NRXN3: variants seen among roughly 807,000 people sequenced by gnomAD.
NRXN3 encodes the protein neurexin III.
In NRXN3, 32 loss-of-function variants were observed where a neutral mutation model predicts 137.6. The ratio of observed to expected loss-of-function variants is 0.23; its 90% confidence interval spans 0.18 to 0.31. The LOEUF (loss-of-function observed/expected upper bound fraction) is 0.31. NRXN3 is among the 10% of genes least tolerant of loss of function. The pLI is 1.00. For missense variants in NRXN3, 1,574 were observed against 2,062.5 expected, an observed-to-expected ratio of 0.76 and a Z score of 4.59; for synonymous variants, 798 against 784.5, an observed-to-expected ratio of 1.02 and a Z score of -0.29.
intron 15 of NRXN3, among the ~76,000 whole-genome samples, chr14:79,398,066 G>A (rs1180080277): frequency 6.6e-6 from 1 of 152,120 alleles, no homozygotes; most frequent in Non-Finnish European, 1.5e-5. Flanking sequence ...GCTTCCATCA[G>A]GGTTCACAGC....
chr14:78,586,665 C>T (rs2097066254), intron 4 of NRXN3, among the ~76,000 whole-genome samples: 1 of 152,230 alleles, frequency 6.6e-6, no homozygotes, highest in South Asian at 2.1e-4. Flanking sequence ...TGCTCAGGGA[C>T]CTGAGGAAGA....
chr14:79,226,744 T>A (rs1392747594), intron 15 of NRXN3, among the ~76,000 whole-genome samples: 1 of 152,012 alleles, frequency 6.6e-6, no homozygotes, highest in African/African-American at 2.4e-5. Context: ...GGACACATAC[T>A]CATTTTTAGT....
intron 4 of NRXN3, among the ~76,000 whole-genome samples, chr14:78,308,226 T>C (rs1367726823): frequency 6.6e-6 from 1 of 152,098 alleles, no homozygotes; most frequent in African/African-American, 2.4e-5. Context: ...GATCTGAAAT[T>C]TGGAGCCTAT....
chr14:79,055,812 T>C (rs948443000), intron 15 of NRXN3, among the ~76,000 whole-genome samples: 3 of 152,046 alleles, frequency 2.0e-5, no homozygotes, highest in African/African-American at 7.2e-5. Flanking sequence ...AACATGCACA[T>C]GCACTTGGAG....
intron 15 of NRXN3, among the ~76,000 whole-genome samples, chr14:79,271,925 A>G (rs2079389600): frequency 6.6e-6 from 1 of 152,216 alleles, no homozygotes; most frequent in African/African-American, 2.4e-5. Context: ...GAGATGATTC[A>G]TAGTTGTACA....
chr14:78,171,959 G>C (rs759847179), intron 1 of NRXN3, among the ~76,000 whole-genome samples: 22 of 152,178 alleles, frequency 1.4e-4, no homozygotes, highest in African/African-American at 4.8e-4. Flanking sequence ...GCAAGATAGA[G>C]TCAGGGCAAA....
chr14:79,443,034 A>G (rs1448402095), intron 15 of NRXN3, among the ~76,000 whole-genome samples: 4 of 152,358 alleles, frequency 2.6e-5, no homozygotes, highest in South Asian at 4.1e-4. Flanking sequence ...TTCCACTTCA[A>G]AGGGTACACA....
At chr14:79,723,938 A>C (rs1207198758) in intron 19 of NRXN3, among the ~76,000 whole-genome samples, 3 of 152,062 alleles carry the variant, frequency 2.0e-5, no homozygotes. Flanking sequence ...CTTTCATCTC[A>C]ACTGCCTTTT....
chr14:79,789,891 A>G (rs2099139903), intron 19 of NRXN3, among the ~76,000 whole-genome samples: 1 of 152,066 alleles, frequency 6.6e-6, no homozygotes. Flanking sequence ...CCCAGCTCCT[A>G]TTCAAGATGG....
chr14:79,545,445 C>T (rs979979030), intron 16 of NRXN3, among the ~76,000 whole-genome samples: 1 of 152,102 alleles, frequency 6.6e-6, no homozygotes, highest in Non-Finnish European at 1.5e-5. Flanking sequence ...CTTGTTCTCA[C>T]TCTTCTGCCT....
At chr14:79,600,230 G>A (rs1028929795) in intron 16 of NRXN3, among the ~76,000 whole-genome samples, 6 of 152,222 alleles carry the variant, frequency 3.9e-5, no homozygotes, top group African/African-American at 9.6e-5. Flanking sequence ...GAGTATGCAC[G>A]CTTTTATGTT....
intron 15 of NRXN3, among the ~76,000 whole-genome samples, chr14:79,456,723 CAAAAG>C (rs1037433299): frequency 6.7e-6 from 1 of 149,530 alleles, no homozygotes; most frequent in African/African-American, 2.5e-5. Context: ...GAGACTCTGT[CAAAAG>C]AAAAGAAAGG....
intron 15 of NRXN3, among the ~76,000 whole-genome samples, chr14:79,206,762 G>A (rs911981546): frequency 7.2e-5 from 11 of 152,022 alleles, no homozygotes; most frequent in African/African-American, 2.7e-4. Flanking sequence ...ACATTGAAGA[G>A]CGTTCAATTT....
At chr14:79,325,324 A>T (rs17109070) in intron 15 of NRXN3, among the ~76,000 whole-genome samples, 3,181 of 152,236 alleles carry the variant, frequency 0.021, 110 homozygotes, top group African/African-American at 0.073. Flanking sequence ...CCATGCTAGT[A>T]TTGACAAGGT....
At chr14:79,536,018 T>G (rs576260929) in intron 16 of NRXN3, among the ~76,000 whole-genome samples, 1 of 152,330 alleles carries the variant, frequency 6.6e-6, no homozygotes, top group African/African-American at 2.4e-5. Flanking sequence ...ACCCTTGTGC[T>G]CTCCAAATGA....
intron 4 of NRXN3, among the ~76,000 whole-genome samples, chr14:78,504,664 G>A (rs1156914973): frequency 6.6e-6 from 1 of 152,108 alleles, no homozygotes; most frequent in African/African-American, 2.4e-5. Flanking sequence ...AACTCATGGT[G>A]ATAAAAACCC....
intron 15 of NRXN3, among the ~76,000 whole-genome samples, chr14:79,401,705 G>A (rs1184835965): frequency 6.6e-6 from 1 of 152,048 alleles, no homozygotes; most frequent in East Asian, 1.9e-4. Context: ...GATGTGCGGT[G>A]GCTTGTTCCA....
At chr14:79,701,262 G>A (rs536100297) in intron 19 of NRXN3, among the ~76,000 whole-genome samples, 1 of 152,130 alleles carries the variant, frequency 6.6e-6, no homozygotes, top group South Asian at 2.1e-4. Flanking sequence ...GTAAGTTCTA[G>A]TTAACTATTT....
rs777684541 is a variant in NRXN3, at chr14:79,663,746, A to G, written c.3445-32A>G. 2.5e-6 allele frequency: 4 copies of G among 1,599,930 alleles called. No homozygotes were observed. The Admixed American group carries it at 5.1e-5, about 20-fold the overall frequency. The stretch of plus-strand genomic sequence containing the variant: ...AAGGGAGAGAACTTCGTGGTTGGTG[A>G]TAACTATGCCTTTTGTGTTTCTTTA... On this transcript the variant is annotated intron_variant, in intron 16 of 20. Transcript: ENST00000335750.
Sources: allele counts gnomAD v4.1 joint callset (sites outside exome capture counted in the v4.1 genomes callset), GRCh38; gene constraint gnomAD v4.1.1; transcripts MANE v1.5; gene names NCBI Gene and HGNC (gene_info 2026-07-23, HGNC 2026-07-21).